BTBD9: variants seen among roughly 807,000 people sequenced by gnomAD.
BTBD9 encodes the protein BTB domain containing 9, also known as BTB/POZ domain-containing protein 9.
BTBD9 carries 49 observed loss-of-function variants against 64.3 expected under a neutral mutation model. That is an observed-to-expected ratio of 0.76 (90% CI 0.61 to 0.97). The LOEUF (loss-of-function observed/expected upper bound fraction) is 0.97, where lower values mean the gene tolerates loss of function less well. BTBD9 is among the 50% of genes least tolerant of loss of function. The pLI is 0.00. For missense variants in BTBD9, 598 were observed against 762.1 expected, an observed-to-expected ratio of 0.78 and a Z score of 2.53; for synonymous variants, 260 against 274.7, an observed-to-expected ratio of 0.95 and a Z score of 0.53.
Position 38,239,503 on chromosome 6 carries a change from A to G in BTBD9, c.1562+16906T>C, listed in dbSNP as rs201378019. ...GAAATTTAAAACAATAACCTGAGAC[A>G]TGGCAGTTTTATCACCCAAGCTACT... On this transcript the variant is annotated intron_variant, in intron 9 of 10. Transcript: ENST00000481247. Among the ~76,000 whole-genome samples the G allele has an allele frequency of 3.9e-5, 6 of 151,910 alleles. No homozygotes were observed. In the East Asian group the frequency reaches 1.2e-3, roughly 29 times the overall value.
intron 6 of BTBD9, among the ~76,000 whole-genome samples, chr6:38,455,460 G>A (rs916423364): frequency 8.5e-5 from 13 of 152,142 alleles, no homozygotes; most frequent in South Asian, 4.1e-4. Context: ...GTAAGCCACC[G>A]TGCCCAGCCT....
chr6:38,452,947 G>C (rs918543884), intron 6 of BTBD9, among the ~76,000 whole-genome samples: 2 of 152,070 alleles, frequency 1.3e-5, no homozygotes, highest in Non-Finnish European at 2.9e-5. Flanking sequence ...GTAAATACTC[G>C]TGTTTTCCTT....
intron 6 of BTBD9, among the ~76,000 whole-genome samples, chr6:38,478,154 G>T (rs908676609): frequency 6.6e-6 from 1 of 152,148 alleles, no homozygotes. Context: ...TACCAGGAAG[G>T]GGGAGGGGGT....
intron 4 of BTBD9, chr6:38,588,224 T>C: frequency 3.0e-6 from 3 of 987,742 alleles, no homozygotes; most frequent in Admixed American, 3.4e-5. Context: ...AGCAACCAAC[T>C]ACCCAGGCAC....
chr6:38,498,612 C>T (rs571425907), intron 6 of BTBD9, among the ~76,000 whole-genome samples: 9 of 152,146 alleles, frequency 5.9e-5, no homozygotes, highest in Non-Finnish European at 1.2e-4. Context: ...CCAATAGCAA[C>T]AAAGGCTGGG....
At chr6:38,586,751 A>G (rs1434722914) in intron 4 of BTBD9, among the ~76,000 whole-genome samples, 2 of 152,160 alleles carry the variant, frequency 1.3e-5, no homozygotes, top group Non-Finnish European at 2.9e-5. Context: ...AAAAGAAAAC[A>G]ATGTCATGAA....
At chr6:38,508,132 C>T (rs1051120909) in intron 6 of BTBD9, among the ~76,000 whole-genome samples, 1 of 152,124 alleles carries the variant, frequency 6.6e-6, no homozygotes, top group Non-Finnish European at 1.5e-5. Flanking sequence ...CGCACCCGGC[C>T]ATGTCTCCCA....
intron 6 of BTBD9, among the ~76,000 whole-genome samples, chr6:38,564,489 T>C (rs962981373): frequency 6.6e-6 from 1 of 152,142 alleles, no homozygotes; most frequent in South Asian, 2.1e-4. Context: ...GGAGTGGAGA[T>C]GAGAGAACAT....
In BTBD9 at chr6:38,220,935, G is replaced by A. The variant is rs181578643; in HGVS notation, c.1563-28338C>T. 1.4e-3 allele frequency among the ~76,000 whole-genome samples: 217 copies of A among 152,268 alleles called. 1 individual carries two copies. The highest frequency in any genetic ancestry group is 4.9e-3 in the African/African-American group (204 of 41,536). On this transcript the variant is annotated intron_variant, in intron 9 of 10. Coordinates refer to ENST00000481247, the MANE Select transcript of BTBD9 (RefSeq NM_001099272.2). The stretch of plus-strand genomic sequence containing the variant: ...AGAGGGTAGAGAAAGGCTCTCCAAG[G>A]TCATACAGATGCAAGAATGCAGTAA...
intron 10 of BTBD9, chr6:38,179,214 T>C: frequency 2.9e-6 from 1 of 342,824 alleles, no homozygotes; most frequent in Non-Finnish European, 5.8e-6. Flanking sequence ...GGAATATACA[T>C]TTGTGGTGAC....
rs1777115277 is a variant in BTBD9 at position 38,598,159 on chromosome 6, G to A, written c.-27-38C>T. On this transcript the variant is annotated intron_variant, in intron 1 of 10. Transcript: ENST00000481247. ...GAAGGAATGAGAGTTAGTTGGGGGA[G>A]GGGAGTACACATAGAAAATCACTTA... 5.4e-6 allele frequency: 8 copies of A among 1,482,870 alleles called. No individual in the cohort carries two copies. In the African/African-American group the frequency reaches 8.4e-5, roughly 16 times the overall value. 91.9% of individuals were successfully genotyped at this position (1,482,870 alleles called of 1,614,324 possible).
chr6:38,366,946 T>C (rs191966535), intron 6 of BTBD9, among the ~76,000 whole-genome samples: 60 of 152,356 alleles, frequency 3.9e-4, no homozygotes, highest in African/African-American at 1.3e-3. Context: ...GTCCTGACTA[T>C]AGAGACCTGA....
At chr6:38,356,740 G>A (rs979836046) in intron 6 of BTBD9, among the ~76,000 whole-genome samples, 2 of 152,136 alleles carry the variant, frequency 1.3e-5, no homozygotes, top group African/African-American at 2.4e-5. Flanking sequence ...TTAGCTTCAT[G>A]TTAGGATTAC....
intron 7 of BTBD9, among the ~76,000 whole-genome samples, chr6:38,304,658 TG>T (rs1430055751): frequency 6.6e-6 from 1 of 152,144 alleles, no homozygotes; most frequent in Non-Finnish European, 1.5e-5. Flanking sequence ...CCCAGACTCC[TG>T]GGCTCAAGCA....
chr6:38,627,610 G>A (rs1184365393), intron 1 of BTBD9, among the ~76,000 whole-genome samples: 2 of 152,170 alleles, frequency 1.3e-5, no homozygotes, highest in African/African-American at 4.8e-5. Context: ...CCAATGGTAA[G>A]CTGTTTCAAA....
chr6:38,626,657 C>T (rs1014874277), intron 1 of BTBD9, among the ~76,000 whole-genome samples: 4 of 152,226 alleles, frequency 2.6e-5, no homozygotes, highest in African/African-American at 9.6e-5. Context: ...ATTCAACTTA[C>T]ATGAATTTAA....
rs544846828 is a variant in BTBD9, at chr6:38,195,842, G to A, written c.1563-3245C>T. 1.6e-4 allele frequency among the ~76,000 whole-genome samples: 25 copies of A among 152,286 alleles called. No individual in the cohort carries two copies. In the South Asian group the frequency reaches 2.3e-3, roughly 14 times the overall value. On this transcript the variant is annotated intron_variant, in intron 9 of 10. Transcript: ENST00000481247. ...TGTATTAAAACATAGATGTCTATAA[G>A]AATGTTTGCCAAAATGTTGGTCCAG...
chr6:38,267,867 G>C (rs1561949575), intron 8 of BTBD9, among the ~76,000 whole-genome samples: 1 of 152,172 alleles, frequency 6.6e-6, no homozygotes, highest in African/African-American at 2.4e-5. Context: ...GTGAACCCAG[G>C]AAGCAGAGCT....
chr6:38,211,002 G>A (rs763823477), intron 9 of BTBD9, among the ~76,000 whole-genome samples: 10 of 152,138 alleles, frequency 6.6e-5, no homozygotes, highest in Admixed American at 2.6e-4. Flanking sequence ...CCCCATTCTG[G>A]GCAAAAGGTA....
Sources: gnomAD v4.1 joint callset for allele counts (sites outside exome capture counted in the v4.1 genomes callset) on GRCh38, gnomAD v4.1.1 for gene constraint, MANE v1.5 for transcripts, NCBI Gene and HGNC (gene_info 2026-07-23, HGNC 2026-07-21) for gene names.